HELZ: variants seen among roughly 807,000 people sequenced by gnomAD.
HELZ encodes the protein ATP-dependent RNA helicase with zinc finger domain.
HELZ carries 23 observed loss-of-function variants against 218.2 expected under a neutral mutation model. The ratio of observed to expected loss-of-function variants is 0.11; its 90% CI spans 0.08 to 0.15. The LOEUF is 0.15. Ranked by LOEUF, HELZ falls within the 10% of genes least tolerant of loss-of-function variation. HELZ has a pLI of 1.00. For missense variants in HELZ, 1,813 were observed against 2,353.7 expected, an observed-to-expected ratio of 0.77 and a Z score of 4.75; for synonymous variants, 814 against 829.4, an observed-to-expected ratio of 0.98 and a Z score of 0.32.
intron 31 of HELZ, among the ~76,000 whole-genome samples, chr17:67,102,861 C>T (rs1340484356): frequency 6.6e-6 from 1 of 152,094 alleles, no homozygotes; most frequent in Non-Finnish European, 1.5e-5. Flanking sequence ...TCTAAGAACC[C>T]ACTGACAATG....
chr17:67,186,620 GCAGA>G (rs988082474), intron 12 of HELZ, among the ~76,000 whole-genome samples: 3 of 151,936 alleles, frequency 2.0e-5, no homozygotes, highest in African/African-American at 7.2e-5. Context: ...ACATTTTACT[GCAGA>G]CATTTAACAT....
chr17:67,090,596 A>G (rs891309277), intron 31 of HELZ, among the ~76,000 whole-genome samples: 12 of 152,100 alleles, frequency 7.9e-5, no homozygotes, highest in Non-Finnish European at 1.5e-4. Flanking sequence ...TCCATATGCC[A>G]TCTATTTCAT....
intron 28 of HELZ, 24 bp from the exon 29 acceptor site, chr17:67,109,710 T>C (rs1458723524): frequency 6.4e-7 from 1 of 1,556,188 alleles, no homozygotes; most frequent in Non-Finnish European, 8.8e-7. Flanking sequence ...AGAAGCCTTT[T>C]TTAACTGCAG....
At chr17:67,144,404 A>G (rs1041137254) in intron 21 of HELZ, among the ~76,000 whole-genome samples, 5 of 151,906 alleles carry the variant, frequency 3.3e-5, no homozygotes, top group African/African-American at 1.2e-4. Context: ...AAATGTCTCT[A>G]AAGTTACATG....
chr17:67,195,501 A>C (rs1229219836), intron 7 of HELZ, 31 bp from the exon 8 acceptor site: 2 of 1,338,908 alleles, frequency 1.5e-6, no homozygotes, highest in Non-Finnish European at 2.2e-6. Flanking sequence ...GAATTTTTTA[A>C]ACAAGAATAA....
upstream of HELZ, chr17:67,245,599 TGCGGCCGCGCTTCCAGGAAGCCCGCGA>T: frequency 1.1e-6 from 1 of 879,322 alleles, no homozygotes; most frequent in Non-Finnish European, 1.4e-6. Context: ...TTTCTGCTCC[TGCGGCCGCGCTTCCAGGAAGCCCGCGA>T]GCGGCCGGGG....
intron 13 of HELZ, among the ~76,000 whole-genome samples, chr17:67,177,765 A>G (rs1265094525): frequency 6.6e-6 from 1 of 152,130 alleles, no homozygotes; most frequent in East Asian, 1.9e-4. Context: ...GAAATTAGGT[A>G]TTTTCAAAAG....
At chr17:67,133,459 T>C (rs2038050289) in intron 23 of HELZ, among the ~76,000 whole-genome samples, 1 of 152,200 alleles carries the variant, frequency 6.6e-6, no homozygotes, top group African/African-American at 2.4e-5. Context: ...AATATTCAGG[T>C]TGGTAAATAT....
intron 23 of HELZ, among the ~76,000 whole-genome samples, chr17:67,135,429 G>A (rs891328170): frequency 6.6e-6 from 1 of 152,098 alleles, no homozygotes; most frequent in African/African-American, 2.4e-5. Context: ...CTTCTTCCTG[G>A]AGCACTTTTA....
intron 13 of HELZ, among the ~76,000 whole-genome samples, chr17:67,173,928 G>A (rs2039380466): frequency 6.6e-6 from 1 of 152,204 alleles, no homozygotes; most frequent in Admixed American, 6.5e-5. Context: ...AATGAGGCAT[G>A]CACAGTTTAA....
chr17:67,109,076 T>G, intron 29 of HELZ, 40 bp downstream of exon 29: 2 of 1,449,278 alleles, frequency 1.4e-6, no homozygotes, highest in Non-Finnish European at 1.9e-6. Flanking sequence ...TCATGTTAAG[T>G]AATCTCTGAA....
At chr17:67,232,104 T>C (rs2041054318) in intron 3 of HELZ, among the ~76,000 whole-genome samples, 1 of 150,618 alleles carries the variant, frequency 6.6e-6, no homozygotes, top group Non-Finnish European at 1.5e-5. Context: ...ACTGGGTATC[T>C]CCAGGTGATG....
intron 31 of HELZ, among the ~76,000 whole-genome samples, chr17:67,106,493 G>A (rs1417077633): frequency 6.6e-6 from 1 of 151,876 alleles, no homozygotes; most frequent in Non-Finnish European, 1.5e-5. Flanking sequence ...ATTTTTAGTA[G>A]AGACGGGGTT....
Position 67,174,951 on chromosome 17 carries a change from G to A in HELZ, c.1430+3708C>T, listed in dbSNP as rs537911912. On this transcript the variant is annotated intron_variant, in intron 13 of 32. Transcript: ENST00000358691. Reference sequence around the variant, plus strand: ...AAAGAGGCAAACTTCAATGTGTTCAGAACACACTTATTATTGTCAATACAT... The same window carrying A: ...AAAGAGGCAAACTTCAATGTGTTCAAAACACACTTATTATTGTCAATACAT... 3.9e-5 allele frequency among the ~76,000 whole-genome samples: 6 copies of A among 152,324 alleles called. No individual in the cohort carries two copies. The South Asian group carries it at 1.0e-3, about 26-fold the overall frequency.
At chr17:67,122,320 C>T (rs181800135) in intron 26 of HELZ, among the ~76,000 whole-genome samples, 77 of 152,158 alleles carry the variant, frequency 5.1e-4, no homozygotes, top group African/African-American at 1.7e-3. Context: ...CCAAGACAGG[C>T]GGATCACAAG....
chr17:67,160,873 T>C, intron 16 of HELZ, 24 bp downstream of exon 16: 4 of 1,543,462 alleles, frequency 2.6e-6, no homozygotes, highest in East Asian at 2.3e-5. Context: ...CAGGGAAATA[T>C]GAGCACGCTT....
At chr17:67,084,278 C>T (rs1270680027) in intron 32 of HELZ, among the ~76,000 whole-genome samples, 1 of 152,192 alleles carries the variant, frequency 6.6e-6, no homozygotes, top group Admixed American at 6.5e-5. Context: ...CCACAAATGA[C>T]ATGAGCATTT....
At chr17:67,229,847 C>T (rs554421559) in intron 3 of HELZ, among the ~76,000 whole-genome samples, 2 of 152,182 alleles carry the variant, frequency 1.3e-5, no homozygotes, top group African/African-American at 2.4e-5. Context: ...TTCTCTAAAA[C>T]ATAAAATCAC....
At chr17:67,190,958 T>C (rs1567877511) in intron 9 of HELZ, among the ~76,000 whole-genome samples, 1 of 151,176 alleles carries the variant, frequency 6.6e-6, no homozygotes, top group Non-Finnish European at 1.5e-5. Context: ...TCCACCCGCC[T>C]CGGCCTCCCA....
Sources: gnomAD v4.1 joint callset for allele counts (sites outside exome capture counted in the v4.1 genomes callset) on GRCh38, gnomAD v4.1.1 for gene constraint, MANE v1.5 for transcripts, NCBI Gene and HGNC (gene_info 2026-07-23, HGNC 2026-07-21) for gene names.